Variants in VAC14 observed in about 807,000 individuals in gnomAD.
VAC14 encodes the protein protein VAC14 homolog.
A neutral mutation model predicts 85.3 loss-of-function variants in VAC14; 47 were observed. That is an observed-to-expected ratio of 0.55 (90% CI 0.44 to 0.70). The LOEUF is 0.70. Ranked by LOEUF, VAC14 falls within the 30% of genes least tolerant of loss-of-function variation. VAC14 has a pLI of 0.00. For synonymous variants in VAC14, 447 were observed against 430.5 expected, an observed-to-expected ratio of 1.04 and a Z score of -0.47; for missense variants, 861 against 1,004.3, an observed-to-expected ratio of 0.86 and a Z score of 1.93.
At chr16:70,796,694 C>T (rs1239989878) in intron 1 of VAC14, among the ~76,000 whole-genome samples, 3 of 152,164 alleles carry the variant, frequency 2.0e-5, no homozygotes, top group East Asian at 1.9e-4. Context: ...CCAAAGGAAG[C>T]TTTTCTATAT....
chr16:70,691,855 G>T lies in VAC14; in HGVS notation c.2186+966C>A, dbSNP rs191045449. On this transcript the variant is annotated intron_variant, in intron 18 of 18. Coordinates refer to ENST00000261776, the MANE Select transcript of VAC14 (RefSeq NM_018052.5). ...GTGGAGGGCACAGGGCCTCCGGGCAGGCCTGTCTCAAGGCTGCCTGTGTCC... is the reference window on the plus strand; with the variant it reads ...GTGGAGGGCACAGGGCCTCCGGGCATGCCTGTCTCAAGGCTGCCTGTGTCC... 26 of 985,446 alleles carry T rather than the reference G, an allele frequency of 2.6e-5. No individual in the cohort carries two copies. In the East Asian group the frequency reaches 1.5e-3, roughly 56 times the overall value. The allele number at this position is 985,446 out of a possible 1,614,324, so 61.0% of individuals were successfully genotyped here.
intron 18 of VAC14, chr16:70,691,520 C>T (rs1567517867): frequency 7.1e-6 from 7 of 985,342 alleles, no homozygotes; most frequent in East Asian, 2.3e-4. Flanking sequence ...CCCACACATG[C>T]GCCCCCGCTC....
At chr16:70,750,339 G>A (rs2031279309) in intron 12 of VAC14, among the ~76,000 whole-genome samples, 1 of 152,082 alleles carries the variant, frequency 6.6e-6, no homozygotes, top group Non-Finnish European at 1.5e-5. Flanking sequence ...AAACACTTGT[G>A]CTTTCTTTTT....
At chr16:70,755,169 C>T (rs926184881) in intron 12 of VAC14, 14 of 305,292 alleles carry the variant, frequency 4.6e-5, no homozygotes, top group Admixed American at 3.3e-4. Flanking sequence ...CCGGCCTCAG[C>T]GCTTCTGGGA....
Position 70,728,171 on chromosome 16 carries a change from T to C in VAC14, c.1661+3324A>G, listed in dbSNP as rs138425957. 3.0e-3 allele frequency among the ~76,000 whole-genome samples: 453 copies of C among 152,046 alleles called. 1 individual carries two copies. Among genetic ancestry groups the C allele is most frequent in the Non-Finnish European group, 4.8e-3 (323 of 67,972 alleles). ...CTCAATTTCCACTGAGAACCCAGTG[T>C]GGCCCATGGCAGGTTTGAGCCCCAG... is the stretch of plus-strand genomic sequence containing the variant. On this transcript the variant is annotated intron_variant, in intron 14 of 18. Coordinates refer to ENST00000261776, the MANE Select transcript of VAC14 (RefSeq NM_018052.5).
intron 14 of VAC14, among the ~76,000 whole-genome samples, chr16:70,718,567 C>T (rs2054216567): frequency 6.7e-6 from 1 of 149,862 alleles, no homozygotes; most frequent in African/African-American, 2.5e-5. Context: ...GAATGAGACT[C>T]CTTTTTAAAA....
chr16:70,702,768 G>A (rs1485822198), intron 14 of VAC14, among the ~76,000 whole-genome samples: 4 of 152,190 alleles, frequency 2.6e-5, no homozygotes, highest in Admixed American at 6.5e-5. Context: ...AAGCTGGGGA[G>A]GGAGGAAAGA....
At chr16:70,755,462 T>A (rs1185462130) in intron 12 of VAC14, among the ~76,000 whole-genome samples, 20 of 152,196 alleles carry the variant, frequency 1.3e-4, no homozygotes, top group Admixed American at 1.3e-3. Flanking sequence ...TGACACCTTG[T>A]GTGAGGTTTT....
intron 1 of VAC14, among the ~76,000 whole-genome samples, chr16:70,800,588 G>C (rs887680061): frequency 3.9e-5 from 6 of 152,230 alleles, no homozygotes; most frequent in African/African-American, 1.4e-4. Flanking sequence ...GGCACCGGGA[G>C]GTTAAAAAGC....
rs532694474 is a variant in VAC14 at position 70,729,844 on chromosome 16, G to C, written c.1661+1651C>G. On this transcript the variant is annotated intron_variant, in intron 14 of 18. Coordinates refer to ENST00000261776, the MANE Select transcript of VAC14 (RefSeq NM_018052.5). ...ACATCTGTTGAATGAATGAATGAAT[G>C]AATGACTATGCCATCAATTTCGAGA... 3.9e-5 allele frequency among the ~76,000 whole-genome samples: 6 copies of C among 152,136 alleles called. No individual in the cohort carries two copies. In the East Asian group the frequency reaches 1.2e-3, roughly 29 times the overall value.
At chr16:70,738,508 A>G (rs900681484) in intron 13 of VAC14, among the ~76,000 whole-genome samples, 1 of 152,016 alleles carries the variant, frequency 6.6e-6, no homozygotes, top group African/African-American at 2.4e-5. Flanking sequence ...TGCCACCGGG[A>G]AAGAGCTATT....
chr16:70,751,752 C>A (rs910074692), intron 12 of VAC14, among the ~76,000 whole-genome samples: 1 of 152,220 alleles, frequency 6.6e-6, no homozygotes, highest in African/African-American at 2.4e-5. Context: ...GCTTCCACTG[C>A]TGAGAGCATG....
intron 14 of VAC14, among the ~76,000 whole-genome samples, chr16:70,725,593 G>A (rs1683040162): frequency 6.6e-6 from 1 of 152,074 alleles, no homozygotes; most frequent in South Asian, 2.1e-4. Context: ...CACTGGGGAG[G>A]GGCAGTAGCA....
In VAC14 at chr16:70,792,016, G is replaced by C. The variant is rs138452705; in HGVS notation, c.105-5651C>G. 1.8e-3 allele frequency among the ~76,000 whole-genome samples: 268 copies of C among 152,320 alleles called. 2 individuals are homozygous for C. The highest frequency in any genetic ancestry group is 5.7e-3 in the African/African-American group (237 of 41,574). On this transcript the variant is annotated intron_variant, in intron 1 of 18. Transcript: ENST00000261776. ...ACTAGGACCCAAAAATGCACATCAA[G>C]AAGGGCTCAGGTCACCAGAGCTGTG...
At chr16:70,727,815 T>C (rs1376668394) in intron 14 of VAC14, among the ~76,000 whole-genome samples, 1 of 152,220 alleles carries the variant, frequency 6.6e-6, no homozygotes, top group African/African-American at 2.4e-5. Flanking sequence ...CCATGTCAGA[T>C]GCTGTGTGTG....
intron 14 of VAC14, among the ~76,000 whole-genome samples, chr16:70,730,151 A>G (rs1294972362): frequency 1.3e-5 from 2 of 151,670 alleles, no homozygotes; most frequent in African/African-American, 4.8e-5. Context: ...TCGAATCCTC[A>G]TTCTCGAATC....
chr16:70,746,658 C>T (rs1480542708), intron 12 of VAC14, among the ~76,000 whole-genome samples: 1 of 152,202 alleles, frequency 6.6e-6, no homozygotes, highest in East Asian at 1.9e-4. Flanking sequence ...AGGACAGAGC[C>T]TCCAGGGATT....
intron 13 of VAC14, among the ~76,000 whole-genome samples, chr16:70,735,401 C>G (rs1262380359): frequency 6.7e-6 from 1 of 148,582 alleles, no homozygotes; most frequent in African/African-American, 2.6e-5. Context: ...CAAGAATGTG[C>G]AGAACCATCC....
At chr16:70,778,709 G>C (rs768846523) in intron 9 of VAC14, 2 of 152,178 alleles carry the variant, frequency 1.3e-5, no homozygotes, top group Non-Finnish European at 2.9e-5. Context: ...AGAAGGTGAA[G>C]CTGTGTTAAG....
Sources: allele counts gnomAD v4.1 joint callset (sites outside exome capture counted in the v4.1 genomes callset), GRCh38; gene constraint gnomAD v4.1.1; transcripts MANE v1.5; gene names NCBI Gene and HGNC (gene_info 2026-07-23, HGNC 2026-07-21).